ANKS1A: variants seen among roughly 807,000 people sequenced by gnomAD.
ANKS1A encodes the protein ankyrin repeat and SAM domain-containing protein 1A.
Under a neutral mutation model 120.3 loss-of-function variants are expected in ANKS1A, and 55 were observed. The observed-to-expected ratio is 0.46, with a 90% CI of 0.37 to 0.57. The LOEUF is 0.57. ANKS1A is among the 20% of genes least tolerant of loss of function. ANKS1A has a pLI of 0.00. For synonymous variants in ANKS1A, 590 were observed against 604.7 expected, an observed-to-expected ratio of 0.98 and a Z score of 0.36; for missense variants, 1,123 against 1,480.3, an observed-to-expected ratio of 0.76 and a Z score of 3.96.
chr6:34,915,911 G>C (rs1344250188), intron 1 of ANKS1A, among the ~76,000 whole-genome samples: 1 of 151,576 alleles, frequency 6.6e-6, no homozygotes, highest in East Asian at 1.9e-4. Flanking sequence ...TTTGGTTTCA[G>C]GTCAGAGCTG....
chr6:35,060,387 C>T lies in ANKS1A; in HGVS notation c.2184+134C>T. The T allele has an allele frequency of 6.8e-6, 5 of 729,982 alleles. No individual in the cohort carries two copies. The highest frequency in any genetic ancestry group is 9.0e-6 in the Non-Finnish European group (4 of 442,388). 45.2% of individuals were successfully genotyped at this position (729,982 alleles called of 1,614,324 possible). On this transcript the variant is annotated intron_variant, in intron 13 of 23. Transcript: ENST00000360359. This position sits in a 1 kb window ranked among gnomAD's most constrained non-coding sequence, Gnocchi z 4.5. ...TCCCAGGGAAAGCTCACTGAGGTCACTCAGACACCAGGAAGTCAGCCAGGT... is the reference window on the plus strand; with the variant it reads ...TCCCAGGGAAAGCTCACTGAGGTCATTCAGACACCAGGAAGTCAGCCAGGT...
In ANKS1A at chr6:34,994,485, G is replaced by C. The variant is rs570238988; in HGVS notation, c.1423+63G>C. ...AGGGATTTTTAAAGTTTGTGATCCT[G>C]AGTGGAAGGGGAAGATGTCGTAACT... On this transcript the variant is annotated intron_variant, in intron 10 of 23. Transcript: ENST00000360359. 26 of 1,581,816 alleles carry C rather than the reference G, an allele frequency of 1.6e-5. No individual in the cohort carries two copies. The South Asian group carries it at 2.7e-4, about 16-fold the overall frequency.
At chr6:35,079,383 G>C (rs1010010295) in intron 14 of ANKS1A, 133 bp from the exon 15 acceptor site, 2 of 1,060,746 alleles carry the variant, frequency 1.9e-6, no homozygotes, top group Non-Finnish European at 2.7e-6. Flanking sequence ...GTGGGGGGCT[G>C]GAAGGTGCTG....
chr6:34,965,500 C>T (rs368247064), intron 1 of ANKS1A, among the ~76,000 whole-genome samples: 19 of 151,906 alleles, frequency 1.3e-4, no homozygotes, highest in African/African-American at 3.6e-4. Flanking sequence ...TACAGGTGCC[C>T]GCCACCATGC....
chr6:35,032,427 G>A (rs984956715), intron 11 of ANKS1A, among the ~76,000 whole-genome samples: 5 of 152,198 alleles, frequency 3.3e-5, no homozygotes, highest in African/African-American at 1.2e-4. Flanking sequence ...TTGTGTGTGT[G>A]GCCCTTCTCC....
Position 35,091,376 on chromosome 6 carries a change from G to GAATT in ANKS1A, c.*2771_*2774dup, listed in dbSNP as rs1189568097. 8.1e-6 allele frequency: 8 copies of GAATT among 985,382 alleles called. No individual in the cohort carries two copies. Among genetic ancestry groups the GAATT allele is most frequent in the Non-Finnish European group, 8.4e-6 (7 of 829,942 alleles). The allele number at this position is 985,382 out of a possible 1,614,324, so 61.0% of individuals were successfully genotyped here. A position where few individuals can be genotyped will look rare whatever the true frequency, so the allele number is the denominator to read the frequency against. ...AACTGTACACAACTTAGAACAGACT[G>GAATT]AATTAATAAATGAGAAGCGACATGA... On this transcript the variant is annotated 3_prime_UTR_variant, in exon 24 of 24. Transcript: ENST00000360359.
chr6:35,092,512 C>T (rs1295339181), downstream of ANKS1A, among the ~76,000 whole-genome samples: 3 of 152,188 alleles, frequency 2.0e-5, no homozygotes, highest in Admixed American at 6.5e-5. Context: ...GGCCACACTG[C>T]GTTGAGTTGG....
intron 1 of ANKS1A, among the ~76,000 whole-genome samples, chr6:34,901,855 T>C (rs1283775848): frequency 6.6e-6 from 1 of 152,160 alleles, no homozygotes; most frequent in Non-Finnish European, 1.5e-5. Flanking sequence ...GGTCCTATTT[T>C]ATGCAGAATC....
chr6:35,019,855 G>A (rs931270137), intron 11 of ANKS1A, among the ~76,000 whole-genome samples: 7 of 152,154 alleles, frequency 4.6e-5, no homozygotes, highest in African/African-American at 1.7e-4. Context: ...ATCAGTGGGT[G>A]GGGGAGTGGA....
intron 1 of ANKS1A, among the ~76,000 whole-genome samples, chr6:34,951,641 G>A (rs1770098161): frequency 6.6e-6 from 1 of 152,076 alleles, no homozygotes; most frequent in South Asian, 2.1e-4. Flanking sequence ...CCTTTTAAGT[G>A]TATTATTAAT....
At chr6:35,039,174 A>G (rs1206739490) in intron 11 of ANKS1A, among the ~76,000 whole-genome samples, 1 of 145,880 alleles carries the variant, frequency 6.9e-6, no homozygotes, top group Non-Finnish European at 1.5e-5. Context: ...TTCTGTCACC[A>G]CAAAGATCTC....
Position 35,085,612 on chromosome 6 carries a change from A to AG in ANKS1A, c.3133-153dup, listed in dbSNP as rs1777919532. 1.5e-5 allele frequency among the ~76,000 whole-genome samples: 1 copy of AG among 66,746 alleles called. No individual in the cohort carries two copies. The allele number at this position is 66,746 out of a possible 152,430, so 43.8% of individuals were successfully genotyped here. On this transcript the variant is annotated intron_variant, in intron 21 of 23. Coordinates refer to ENST00000360359, the MANE Select transcript of ANKS1A (RefSeq NM_015245.3). The surrounding 1 kb of genome is among the most constrained non-coding windows in gnomAD (Gnocchi z 4.7). ...CGGGAAGAACAACAGAGACCTAGGA[A>AG]GAGTAAAGGAGGGAAAGGAGGGAAG...
chr6:34,922,062 G>A (rs1366648794), intron 1 of ANKS1A, among the ~76,000 whole-genome samples: 1 of 146,784 alleles, frequency 6.8e-6, no homozygotes, highest in East Asian at 2.0e-4. Context: ...TGTTGGGCTC[G>A]AACTCTTGGG....
At chr6:34,909,081 A>C (rs560738784) in intron 1 of ANKS1A, among the ~76,000 whole-genome samples, 1 of 152,276 alleles carries the variant, frequency 6.6e-6, no homozygotes, top group South Asian at 2.1e-4. Flanking sequence ...CCTGCTAGCC[A>C]AAAATGCCGT....
rs887025680 is a variant in ANKS1A, at chr6:35,090,564, T to TAG, written c.*1956_*1957dup. 4 of 1,017,452 alleles carry TAG rather than the reference T, an allele frequency of 3.9e-6. No homozygotes were observed. Among genetic ancestry groups the TAG allele is most frequent in the Admixed American group, 1.1e-4 (2 of 18,088 alleles). 63.0% of individuals were successfully genotyped at this position (1,017,452 alleles called of 1,614,324 possible). On this transcript the variant is annotated 3_prime_UTR_variant, in exon 24 of 24. Transcript: ENST00000360359. ...ATTGGAAGCCTTGGCTAGTCTGCTC[T>TAG]AGCTCTGGGTTCTGTTTAGAGATTG...
intron 18 of ANKS1A, 99 bp from the exon 19 acceptor site, chr6:35,083,055 AG>A: frequency 6.9e-7 from 1 of 1,441,356 alleles, no homozygotes. Flanking sequence ...TGTTATTGAG[AG>A]GGGTAACTAC....
At chr6:35,046,170 G>T (rs1157026615) in intron 11 of ANKS1A, among the ~76,000 whole-genome samples, 2 of 152,038 alleles carry the variant, frequency 1.3e-5, no homozygotes, top group Admixed American at 6.5e-5. Flanking sequence ...GTTTCCCAGG[G>T]TGTACTCATC....
the ANKS1A span, among the ~76,000 whole-genome samples, chr6:35,097,529 T>C: frequency 6.6e-6 from 1 of 150,648 alleles, no homozygotes. Flanking sequence ...AAATTGGGCT[T>C]CTAGACCAAA....
At chr6:34,904,965 C>T (rs1767568635) in intron 1 of ANKS1A, among the ~76,000 whole-genome samples, 1 of 152,146 alleles carries the variant, frequency 6.6e-6, no homozygotes, top group African/African-American at 2.4e-5. Context: ...TGTGTGCCAC[C>T]ACGCTCAGCT....
Sources: allele counts gnomAD v4.1 joint callset (sites outside exome capture counted in the v4.1 genomes callset), GRCh38; gene constraint gnomAD v4.1.1; non-coding constraint Gnocchi (gnomAD v3.1); transcripts MANE v1.5; gene names NCBI Gene and HGNC (gene_info 2026-07-23, HGNC 2026-07-21).